The following TLL1 variants were observed in gnomAD, a reference collection of about 807,000 sequenced individuals.
TLL1 encodes the protein tolloid-like protein 1.
Under a neutral mutation model 128.2 loss-of-function variants are expected in TLL1, and 49 were observed. That is an observed-to-expected ratio of 0.38 (90% CI 0.30 to 0.48). The LOEUF (loss-of-function observed/expected upper bound fraction) is 0.48. Ranked by LOEUF, TLL1 falls within the 20% of genes least tolerant of loss-of-function variation. The probability of loss-of-function intolerance (pLI) is 0.96; values close to 1 mark genes in which losing one functional copy is unlikely to be tolerated. For missense variants in TLL1, 1,123 were observed against 1,242.0 expected (o/e 0.90, Z 1.44); for synonymous variants, 454 against 418.8 (o/e 1.08, Z -1.03).
At chr4:166,093,767 C>T (rs562288888) in intron 19 of TLL1, among the ~76,000 whole-genome samples, 6 of 152,254 alleles carry the variant, frequency 3.9e-5, no homozygotes, top group South Asian at 2.1e-4. Flanking sequence ...TGCGGCTTTC[C>T]GCAGTGCATT....
chr4:165,960,327 T>C (rs950159332), intron 1 of TLL1, among the ~76,000 whole-genome samples: 1 of 151,912 alleles, frequency 6.6e-6, no homozygotes, highest in Non-Finnish European at 1.5e-5. Context: ...GCAAAAAAAC[T>C]GTAAACAAGC....
At chr4:165,966,594 G>A (rs1055831514) in intron 1 of TLL1, among the ~76,000 whole-genome samples, 23 of 152,138 alleles carry the variant, frequency 1.5e-4, no homozygotes, top group Non-Finnish European at 3.2e-4. Context: ...GAGAAATAAA[G>A]GGAAAGACTA....
chr4:166,091,377 T>G, intron 19 of TLL1, 36 bp downstream of exon 19: 1 of 1,584,920 alleles, frequency 6.3e-7, no homozygotes, highest in Non-Finnish European at 8.7e-7. Context: ...CTTTTTTGAC[T>G]GAGATCCAGG....
rs2111169825 is a variant in TLL1 at position 166,100,918 on chromosome 4, G to A, written c.*42G>A. The A allele has an allele frequency of 1.2e-6, 2 of 1,607,284 alleles. No homozygotes were observed. Among genetic ancestry groups the A allele is most frequent in the East Asian group, 2.3e-5 (1 of 44,338 alleles). On this transcript the variant is annotated 3_prime_UTR_variant, in exon 21 of 21. Coordinates refer to ENST00000061240, the MANE Select transcript of TLL1 (RefSeq NM_012464.5). ...AGAACACAAAGGAATGTGCATAATGGAGAGAAGACATATTTTTTTTAAAAC... is the reference window on the plus strand; with the variant it reads ...AGAACACAAAGGAATGTGCATAATGAAGAGAAGACATATTTTTTTTAAAAC...
chr4:165,999,942 G>T (rs2111028012), intron 5 of TLL1, among the ~76,000 whole-genome samples: 1 of 152,298 alleles, frequency 6.6e-6, no homozygotes, highest in South Asian at 2.1e-4. Context: ...AAGGGGTTTT[G>T]TTCCAAAAGG....
At chr4:165,922,851 A>T (rs1427651921) in intron 1 of TLL1, among the ~76,000 whole-genome samples, 2 of 152,166 alleles carry the variant, frequency 1.3e-5, no homozygotes, top group African/African-American at 4.8e-5. Flanking sequence ...AATCTTACTG[A>T]GGGTTACTAT....
chr4:165,927,313 G>A (rs892926785), intron 1 of TLL1, among the ~76,000 whole-genome samples: 1 of 152,090 alleles, frequency 6.6e-6, no homozygotes, highest in Non-Finnish European at 1.5e-5. Context: ...TACTGAGCAA[G>A]GAACTTTAAG....
At chr4:165,954,659 A>G (rs1431528658) in intron 1 of TLL1, among the ~76,000 whole-genome samples, 1 of 152,090 alleles carries the variant, frequency 6.6e-6, no homozygotes, top group Non-Finnish European at 1.5e-5. Flanking sequence ...ATGAAACCCA[A>G]GTCAGGAACC....
chr4:165,905,596 A>T (rs1170193116), intron 1 of TLL1, among the ~76,000 whole-genome samples: 2 of 152,012 alleles, frequency 1.3e-5, no homozygotes, highest in Non-Finnish European at 2.9e-5. Context: ...TCACCTCGTC[A>T]TCTTCTCCTC....
intron 1 of TLL1, among the ~76,000 whole-genome samples, chr4:165,877,079 A>T (rs1222312585): frequency 6.6e-6 from 1 of 152,236 alleles, no homozygotes; most frequent in East Asian, 1.9e-4. Flanking sequence ...TGTGTTACCC[A>T]ATGAGATTTG....
intron 1 of TLL1, among the ~76,000 whole-genome samples, chr4:165,929,504 A>C (rs1733422325): frequency 1.3e-5 from 2 of 150,482 alleles, no homozygotes; most frequent in South Asian, 4.2e-4. Flanking sequence ...GTGCCACTGC[A>C]CTCCAGCCTG....
Position 166,043,407 on chromosome 4 carries a change from T to G in TLL1, c.1512T>G (p.Phe504Leu). Residue 504 changes from phenylalanine (F) to leucine (L), a missense_variant, in exon 12 of 21, where the codon TTT becomes TTG. By Grantham distance (22) the Phe-to-Leu change is conservative. Transcript: ENST00000061240. ...AGAGCTACCACGTCGGGCTGACCTT[T>G]CAGTCCTTTGAGGTAAAGTCTTTTA... The part of the protein sequence containing the change: ...VSESYHVGLT[F>L]QSFEIERHDN... 2 of 1,614,140 alleles carry G rather than the reference T, an allele frequency of 1.2e-6. No individual in the cohort carries two copies. Among genetic ancestry groups the G allele is most frequent in the Non-Finnish European group, 1.7e-6 (2 of 1,179,972 alleles).
rs146672828 is a variant in TLL1, at chr4:166,069,846, A to G, written c.2188+3983A>G. 9.8e-3 allele frequency among the ~76,000 whole-genome samples: 1,485 copies of G among 151,874 alleles called. 8 individuals carry two copies. The highest frequency in any genetic ancestry group is 0.015 in the African/African-American group (641 of 41,526). ...AAAAATTAAGAAGTCATTGGATTTTATAACAAAATAATTTATAAGCTGCTC... is the reference window on the plus strand; with the variant it reads ...AAAAATTAAGAAGTCATTGGATTTTGTAACAAAATAATTTATAAGCTGCTC... On this transcript the variant is annotated intron_variant, in intron 16 of 20. Coordinates refer to ENST00000061240, the MANE Select transcript of TLL1 (RefSeq NM_012464.5).
At chr4:165,878,225 T>C (rs1314804647) in intron 1 of TLL1, among the ~76,000 whole-genome samples, 3 of 152,194 alleles carry the variant, frequency 2.0e-5, no homozygotes, top group Non-Finnish European at 1.5e-5. Flanking sequence ...CTTTATTCCA[T>C]CATAATTTTA....
chr4:166,059,990 A>C (rs1195097308), intron 14 of TLL1, 38 bp from the exon 15 acceptor site: 3 of 1,611,684 alleles, frequency 1.9e-6, no homozygotes, highest in Non-Finnish European at 2.5e-6. Context: ...GGGTGACTTC[A>C]TGGGGAGAAT....
intron 18 of TLL1, among the ~76,000 whole-genome samples, chr4:166,085,848 C>T (rs1312239749): frequency 6.6e-6 from 1 of 152,094 alleles, no homozygotes; most frequent in Non-Finnish European, 1.5e-5. Context: ...TCACTGAAGA[C>T]AATTTTATGA....
chr4:166,076,554 T>A (rs1007352581), intron 17 of TLL1, among the ~76,000 whole-genome samples: 1 of 152,200 alleles, frequency 6.6e-6, no homozygotes, highest in African/African-American at 2.4e-5. Flanking sequence ...TTCATAAACT[T>A]GTCCTATTGC....
chr4:165,881,774 T>C (rs1414175035), intron 1 of TLL1, among the ~76,000 whole-genome samples: 1 of 152,204 alleles, frequency 6.6e-6, no homozygotes, highest in Non-Finnish European at 1.5e-5. Flanking sequence ...GACAATGCTG[T>C]ATGTAGCCTC....
intron 5 of TLL1, among the ~76,000 whole-genome samples, chr4:166,000,148 A>G (rs993415077): frequency 1.3e-5 from 2 of 152,366 alleles, no homozygotes; most frequent in South Asian, 4.1e-4. Context: ...AGTGGCACAC[A>G]AATGAGAAAC....
Sources: allele counts gnomAD v4.1 joint callset (sites outside exome capture counted in the v4.1 genomes callset), GRCh38; gene constraint gnomAD v4.1.1; transcripts MANE v1.5; gene names NCBI Gene and HGNC (gene_info 2026-07-23, HGNC 2026-07-21).